Variants in ZNF385B observed in about 807,000 individuals in gnomAD.
The protein encoded by ZNF385B is zinc finger protein 385B.
A neutral mutation model predicts 39.2 loss-of-function variants in ZNF385B; 23 were observed. The ratio of observed to expected loss-of-function variants is 0.59; its 90% CI spans 0.42 to 0.83. The LOEUF is 0.83. Among genes scored for constraint, ZNF385B ranks in the 40% least tolerant of loss-of-function variants. The pLI, the probability that ZNF385B is intolerant of heterozygous loss-of-function variation, is 0.00. For missense variants in ZNF385B, 552 were observed against 598.9 expected (o/e 0.92, Z 0.82); for synonymous variants, 205 against 222.6 (o/e 0.92, Z 0.70).
intron 3 of ZNF385B, among the ~76,000 whole-genome samples, chr2:179,757,293 C>A (rs1703094750): frequency 6.6e-6 from 1 of 152,358 alleles, no homozygotes. Flanking sequence ...TGCTGAACAG[C>A]AAATGTTGCT....
At chr2:179,758,488 A>G (rs749225493) in intron 3 of ZNF385B, among the ~76,000 whole-genome samples, 2 of 152,202 alleles carry the variant, frequency 1.3e-5, no homozygotes, top group Non-Finnish European at 2.9e-5. Flanking sequence ...TGGCACCCTC[A>G]TGGCCTAATC....
intron 3 of ZNF385B, chr2:179,637,470 C>G (rs917838200): frequency 6.8e-6 from 1 of 147,906 alleles, no homozygotes; most frequent in Non-Finnish European, 1.5e-5. Flanking sequence ...AAACAACTCC[C>G]AAACCCACAG....
chr2:179,649,632 A>C (rs1034122490), intron 3 of ZNF385B, among the ~76,000 whole-genome samples: 1 of 152,234 alleles, frequency 6.6e-6, no homozygotes, highest in Non-Finnish European at 1.5e-5. Flanking sequence ...AAGGTGCAGA[A>C]TATATCATAT....
At chr2:179,494,489 C>T (rs1281840363) in intron 5 of ZNF385B, among the ~76,000 whole-genome samples, 1 of 152,048 alleles carries the variant, frequency 6.6e-6, no homozygotes, top group East Asian at 1.9e-4. Flanking sequence ...ACATAATTTT[C>T]TTAACGGATA....
At chr2:179,557,181 A>G (rs918009377) in intron 3 of ZNF385B, among the ~76,000 whole-genome samples, 1 of 149,374 alleles carries the variant, frequency 6.7e-6, no homozygotes, top group Non-Finnish European at 1.5e-5. Flanking sequence ...CTGCCCATGA[A>G]CACTGTTTTG....
Position 179,450,168 on chromosome 2 carries a change from A to T in ZNF385B, c.716-3398T>A, listed in dbSNP as rs1471574946. 1.1e-3 allele frequency among the ~76,000 whole-genome samples: 171 copies of T among 151,706 alleles called. 1 individual carries two copies. Among genetic ancestry groups the T allele is most frequent in the African/African-American group, 3.9e-3 (163 of 41,294 alleles). On this transcript the variant is annotated intron_variant, in intron 6 of 9. Coordinates refer to ENST00000410066, the MANE Select transcript of ZNF385B (RefSeq NM_152520.6). The stretch of plus-strand genomic sequence containing the variant: ...AAAACCCTAGAAGAAAACCTAGGCA[A>T]TACCATTCAGGACATAGGCATGGGC...
At chr2:179,567,111 C>T (rs970386870) in intron 3 of ZNF385B, among the ~76,000 whole-genome samples, 1 of 151,932 alleles carries the variant, frequency 6.6e-6, no homozygotes, top group Non-Finnish European at 1.5e-5. Context: ...GACAGGGTTT[C>T]GCCATGTTGG....
intron 3 of ZNF385B, among the ~76,000 whole-genome samples, chr2:179,641,082 C>CA (rs1371315584): frequency 1.4e-4 from 3 of 22,142 alleles, no homozygotes; most frequent in African/African-American, 7.4e-4. Flanking sequence ...GTGACCACTG[C>CA]ATAAAAAAGA....
chr2:179,704,966 C>A (rs1699476984), intron 3 of ZNF385B, among the ~76,000 whole-genome samples: 1 of 152,134 alleles, frequency 6.6e-6, no homozygotes, highest in South Asian at 2.1e-4. Context: ...AGAAGCACAC[C>A]CTGCTATCTA....
intron 3 of ZNF385B, among the ~76,000 whole-genome samples, chr2:179,638,596 A>G (rs1691973850): frequency 6.6e-6 from 1 of 152,176 alleles, no homozygotes; most frequent in Admixed American, 6.5e-5. Flanking sequence ...TAGCAACACT[A>G]TACCATATGG....
chr2:179,532,565 T>C (rs930073840), intron 4 of ZNF385B, among the ~76,000 whole-genome samples: 7 of 152,212 alleles, frequency 4.6e-5, no homozygotes, highest in Non-Finnish European at 1.0e-4. Context: ...TTCAGAAATG[T>C]TTCTGAATTA....
chr2:179,618,795 G>A lies in ZNF385B; in HGVS notation c.299-73826C>T, dbSNP rs191950885. 1.8e-3 allele frequency among the ~76,000 whole-genome samples: 279 copies of A among 152,278 alleles called. 1 individual carries two copies. Among genetic ancestry groups the A allele is most frequent in the Non-Finnish European group, 2.1e-3 (146 of 68,014 alleles). On this transcript the variant is annotated intron_variant, in intron 3 of 9. Transcript: ENST00000410066. ...AAGCTAAAACTTCCATGTTTCTGCT[G>A]CCAGTAGTGACAAGGTACCTCAAAA... is the stretch of plus-strand genomic sequence containing the variant.
chr2:179,447,998 G>T (rs768007900), intron 6 of ZNF385B, among the ~76,000 whole-genome samples: 33 of 148,824 alleles, frequency 2.2e-4, no homozygotes, highest in Non-Finnish European at 2.8e-4. Flanking sequence ...TTTTTGAGTT[G>T]GATCCATTCA....
At chr2:179,621,218 G>A (rs540362719) in intron 3 of ZNF385B, among the ~76,000 whole-genome samples, 1 of 152,144 alleles carries the variant, frequency 6.6e-6, no homozygotes, top group East Asian at 1.9e-4. Flanking sequence ...AAATAGCACA[G>A]GAAACAAAGG....
chr2:179,518,295 C>T lies in ZNF385B; in HGVS notation c.552+233G>A, dbSNP rs1035174078. Among the ~76,000 whole-genome samples the T allele has an allele frequency of 5.3e-5, 8 of 152,110 alleles. No homozygotes were observed. The East Asian group carries it at 1.4e-3, about 26-fold the overall frequency. ...TTCTAAAAAATATTTTCGATGTGAT[C>T]TAGGTTGAATCCATGGATATGGACC... is the stretch of plus-strand genomic sequence containing the variant. On this transcript the variant is annotated intron_variant, in intron 5 of 9. Transcript: ENST00000410066.
chr2:179,445,429 G>T, intron 8 of ZNF385B, 121 bp downstream of exon 8: 1 of 885,506 alleles, frequency 1.1e-6, no homozygotes, highest in Non-Finnish European at 1.7e-6. Flanking sequence ...CATATTGTCT[G>T]CATCCTACAA....
At chr2:179,623,491 C>T (rs1232607051) in intron 3 of ZNF385B, among the ~76,000 whole-genome samples, 1 of 152,102 alleles carries the variant, frequency 6.6e-6, no homozygotes, top group Non-Finnish European at 1.5e-5. Flanking sequence ...GATCCTCCAC[C>T]CCGTGAATCC....
intron 1 of ZNF385B, among the ~76,000 whole-genome samples, chr2:179,858,804 T>G (rs1197708633): frequency 6.6e-6 from 1 of 152,226 alleles, no homozygotes; most frequent in Non-Finnish European, 1.5e-5. Context: ...AATTTTGCCC[T>G]TTATTTATGT....
intron 3 of ZNF385B, among the ~76,000 whole-genome samples, chr2:179,682,564 T>TCTCTG (rs1697600515): frequency 2.0e-5 from 3 of 152,198 alleles, no homozygotes; most frequent in Non-Finnish European, 4.4e-5. Flanking sequence ...CAAATTTATG[T>TCTCTG]AACAGAATTT....
Sources: gnomAD v4.1 joint callset for allele counts (sites outside exome capture counted in the v4.1 genomes callset) on GRCh38, gnomAD v4.1.1 for gene constraint, MANE v1.5 for transcripts, NCBI Gene and HGNC (gene_info 2026-07-23, HGNC 2026-07-21) for gene names.